LRMDA: variants seen among roughly 807,000 people sequenced by gnomAD.
LRMDA encodes the protein leucine rich melanocyte differentiation associated.
LRMDA carries 18 observed loss-of-function variants against 29.8 expected under a neutral mutation model. The observed-to-expected ratio is 0.60, with a 90% CI of 0.42 to 0.90. LRMDA has a LOEUF of 0.90. LRMDA is among the 40% of genes least tolerant of loss of function. The pLI is 0.00. For synonymous variants in LRMDA, 125 were observed against 109.4 expected, an observed-to-expected ratio of 1.14 and a Z score of -0.89; for missense variants, 273 against 273.9, an observed-to-expected ratio of 1.00 and a Z score of 0.02.
chr10:76,047,906 A>C (rs995432679), intron 4 of LRMDA, among the ~76,000 whole-genome samples: 16 of 152,252 alleles, frequency 1.1e-4, no homozygotes, highest in Non-Finnish European at 2.2e-4. Context: ...ATGGGCTCCA[A>C]GTAGAAATGC....
At chr10:75,728,432 G>C (rs1589174237) in intron 2 of LRMDA, among the ~76,000 whole-genome samples, 1 of 124,614 alleles carries the variant, frequency 8.0e-6, no homozygotes, top group African/African-American at 4.1e-5. Context: ...GGCTCTGTGT[G>C]TGTGTGTGTG....
intron 6 of LRMDA, among the ~76,000 whole-genome samples, chr10:76,505,857 C>A (rs1434236123): frequency 6.6e-6 from 1 of 152,108 alleles, no homozygotes; most frequent in East Asian, 1.9e-4. Flanking sequence ...TCTCAGGTTT[C>A]TTGCATGGAT....
At chr10:76,223,850 C>T (rs1357653364) in intron 5 of LRMDA, among the ~76,000 whole-genome samples, 2 of 152,048 alleles carry the variant, frequency 1.3e-5, no homozygotes, top group African/African-American at 4.8e-5. Context: ...GTTTTCTTGT[C>T]CACTCTTTCC....
intron 2 of LRMDA, among the ~76,000 whole-genome samples, chr10:75,772,869 T>TGGGGGGGGGGGGG (rs1554824987): frequency 1.4e-4 from 7 of 49,784 alleles, no homozygotes; most frequent in African/African-American, 3.5e-4. Context: ...GGGGGTGGGA[T>TGGGGGGGGGGGGG]GGGGGGGGGC....
chr10:75,884,964 G>A (rs1360397621), intron 2 of LRMDA, among the ~76,000 whole-genome samples: 2 of 151,896 alleles, frequency 1.3e-5, no homozygotes, highest in Non-Finnish European at 1.5e-5. Context: ...GAGGCCCGGG[G>A]AGGACAGCAG....
At chr10:75,708,022 C>T (rs972067369) in intron 2 of LRMDA, among the ~76,000 whole-genome samples, 1 of 152,136 alleles carries the variant, frequency 6.6e-6, no homozygotes, top group African/African-American at 2.4e-5. Flanking sequence ...CTTAGCAAAC[C>T]GTGGCCTCCA....
At chr10:76,092,602 C>G (rs1249706368) in intron 5 of LRMDA, among the ~76,000 whole-genome samples, 1 of 152,192 alleles carries the variant, frequency 6.6e-6, no homozygotes, top group African/African-American at 2.4e-5. Context: ...CTGACAGACG[C>G]TATGTGAATT....
At chr10:76,425,804 C>T (rs1162389670) in intron 6 of LRMDA, among the ~76,000 whole-genome samples, 2 of 150,448 alleles carry the variant, frequency 1.3e-5, no homozygotes, top group Non-Finnish European at 3.0e-5. Context: ...TTCCTGTGTC[C>T]AAGTGTTCTC....
At chr10:76,004,491 T>G (rs1474014577) in intron 2 of LRMDA, among the ~76,000 whole-genome samples, 1 of 152,148 alleles carries the variant, frequency 6.6e-6, no homozygotes, top group African/African-American at 2.4e-5. Flanking sequence ...GTTACTAAAC[T>G]TTGCATATTT....
intron 2 of LRMDA, among the ~76,000 whole-genome samples, chr10:75,982,354 G>A (rs1405950060): frequency 6.6e-6 from 1 of 152,158 alleles, no homozygotes; most frequent in African/African-American, 2.4e-5. Context: ...TGCCTAGTGG[G>A]TGATATGGTT....
intron 6 of LRMDA, among the ~76,000 whole-genome samples, chr10:76,516,864 G>A (rs1340154321): frequency 6.6e-6 from 1 of 152,160 alleles, no homozygotes; most frequent in Non-Finnish European, 1.5e-5. Flanking sequence ...ACCCAGTAAT[G>A]GGATGGCTGG....
chr10:75,818,730 T>A (rs1416845496), intron 2 of LRMDA, among the ~76,000 whole-genome samples: 7 of 152,222 alleles, frequency 4.6e-5, no homozygotes, highest in Non-Finnish European at 7.3e-5. Context: ...GGATAGAGGA[T>A]AACTGCTGGT....
At chr10:75,683,845 C>T (rs965124582) in intron 2 of LRMDA, among the ~76,000 whole-genome samples, 3 of 152,220 alleles carry the variant, frequency 2.0e-5, no homozygotes, top group Non-Finnish European at 4.4e-5. Flanking sequence ...GAGCATGGGG[C>T]TTAGTAAGTC....
intron 2 of LRMDA, among the ~76,000 whole-genome samples, chr10:75,719,452 C>A (rs757682923): frequency 5.3e-5 from 8 of 152,196 alleles, no homozygotes; most frequent in Non-Finnish European, 1.0e-4. Flanking sequence ...TTAAGTTAGA[C>A]CTGCAGAGAA....
At chr10:76,480,080 A>C (rs1268160417) in intron 6 of LRMDA, among the ~76,000 whole-genome samples, 1 of 151,900 alleles carries the variant, frequency 6.6e-6, no homozygotes. Flanking sequence ...TCCTAACTTT[A>C]TAGATAAGGA....
intron 2 of LRMDA, among the ~76,000 whole-genome samples, chr10:75,973,021 ACAGCAGCAGCAGCAGCAGCAGCAG>A (rs3042539): frequency 7.7e-4 from 115 of 148,966 alleles, no homozygotes; most frequent in African/African-American, 2.2e-3. Flanking sequence ...CACTTTAACA[ACAGCAGCAGCAGCAGCAGCAGCAG>A]CAGCAGCAGC....
chr10:75,626,619 G>T (rs553964817), intron 2 of LRMDA, among the ~76,000 whole-genome samples: 1 of 152,196 alleles, frequency 6.6e-6, no homozygotes, highest in Non-Finnish European at 1.5e-5. Context: ...ATTAATTCCT[G>T]TTCCAATGAC....
intron 2 of LRMDA, among the ~76,000 whole-genome samples, chr10:75,505,579 A>T (rs139601539): frequency 2.1e-4 from 32 of 152,240 alleles, no homozygotes; most frequent in Admixed American, 5.2e-4. Context: ...CCTGCATCCC[A>T]TCTCAGCTCC....
At chr10:75,768,397 C>T (rs1174511937) in intron 2 of LRMDA, among the ~76,000 whole-genome samples, 1 of 152,146 alleles carries the variant, frequency 6.6e-6, no homozygotes, top group Non-Finnish European at 1.5e-5. Flanking sequence ...GTAATAATCA[C>T]CCCATGTTTA....
Sources: gnomAD v4.1 joint callset for allele counts (sites outside exome capture counted in the v4.1 genomes callset) on GRCh38, gnomAD v4.1.1 for gene constraint, MANE v1.5 for transcripts, NCBI Gene and HGNC (gene_info 2026-07-23, HGNC 2026-07-21) for gene names.